ANO2: variants seen among roughly 807,000 people sequenced by gnomAD.
ANO2 encodes the protein anoctamin 2.
ANO2 carries 101 observed loss-of-function variants against 124.2 expected under a neutral mutation model. The ratio of observed to expected loss-of-function variants is 0.81; its 90% CI spans 0.69 to 0.96. ANO2 has a LOEUF of 0.96. Ranked by LOEUF, ANO2 falls within the 40% of genes least tolerant of loss-of-function variation. The pLI, the probability that ANO2 is intolerant of heterozygous loss-of-function variation, is 0.00. For synonymous variants in ANO2, 486 were observed against 482.5 expected (o/e 1.01, Z -0.09); for missense variants, 1,293 against 1,274.5 (o/e 1.01, Z -0.22).
intron 1 of ANO2, among the ~76,000 whole-genome samples, chr12:5,943,436 T>C (rs1337355129): frequency 6.6e-6 from 1 of 152,108 alleles, no homozygotes; most frequent in Non-Finnish European, 1.5e-5. Context: ...TATGTTCTCA[T>C]TCATAAGTGG....
In ANO2 at chr12:5,922,610, C is replaced by T; in HGVS notation, c.207+10G>A. The T allele has an allele frequency of 2.0e-6, 3 of 1,525,534 alleles. No individual in the cohort carries two copies. Among genetic ancestry groups the T allele is most frequent in the Non-Finnish European group, 2.6e-6 (3 of 1,136,268 alleles). 94.5% of individuals were successfully genotyped at this position (1,525,534 alleles called of 1,614,324 possible). A position where few individuals can be genotyped will look rare whatever the true frequency, so the allele number is the denominator to read the frequency against. ...CCTATCCCCCCACCCCACCCCCGCCCAGTACTCACAGAGCTGCTGCGGGTG... is the reference window on the plus strand; with the variant it reads ...CCTATCCCCCCACCCCACCCCCGCCTAGTACTCACAGAGCTGCTGCGGGTG... On this transcript the variant is annotated intron_variant, in intron 2 of 24. Transcript: ENST00000682330.
intron 3 of ANO2, among the ~76,000 whole-genome samples, chr12:5,910,691 C>T (rs1483200877): frequency 6.6e-6 from 1 of 152,050 alleles, no homozygotes; most frequent in East Asian, 1.9e-4. Flanking sequence ...TCATATGGCC[C>T]CAGGAGTCAT....
intron 3 of ANO2, among the ~76,000 whole-genome samples, chr12:5,878,466 T>C (rs1410772284): frequency 6.6e-6 from 1 of 152,222 alleles, no homozygotes; most frequent in African/African-American, 2.4e-5. Context: ...GCCTGGGTCA[T>C]AACAAGTATG....
rs1942057106 is a variant in ANO2 at position 5,925,871 on chromosome 12, A to G, written c.23-3067T>C. 1.3e-5 allele frequency among the ~76,000 whole-genome samples: 2 copies of G among 152,272 alleles called. No homozygotes were observed. The highest frequency in any genetic ancestry group is 3.9e-4 in the East Asian group (2 of 5,172). On this transcript the variant is annotated intron_variant, in intron 1 of 24. Transcript: ENST00000682330. The surrounding 1 kb of genome is among the most constrained non-coding windows in gnomAD (Gnocchi z 4.6). Reference sequence around the variant, plus strand: ...GGGCCTGGGCCTTTCTCCACGTTCCAGCTCTCTCCCTGGGCACTCTCATCC... The same window carrying G: ...GGGCCTGGGCCTTTCTCCACGTTCCGGCTCTCTCCCTGGGCACTCTCATCC...
At chr12:5,921,474 C>A (rs1283199819) in intron 2 of ANO2, 108 bp from the exon 3 acceptor site, 11 of 1,111,494 alleles carry the variant, frequency 9.9e-6, no homozygotes, top group Non-Finnish European at 1.4e-5. Flanking sequence ...CAGAAGCAAG[C>A]CTCTCAGGCC....
chr12:5,648,575 G>A (rs1420514450), intron 14 of ANO2, among the ~76,000 whole-genome samples: 2 of 152,198 alleles, frequency 1.3e-5, no homozygotes, highest in African/African-American at 4.8e-5. Flanking sequence ...TGGGGGACAG[G>A]GGAGGGGCTG....
intron 14 of ANO2, among the ~76,000 whole-genome samples, chr12:5,714,641 ATTCT>A (rs1021350521): frequency 6.6e-6 from 1 of 151,980 alleles, no homozygotes; most frequent in African/African-American, 2.4e-5. Context: ...TTCTCCTCCT[ATTCT>A]TTCTCTTTAT....
intron 14 of ANO2, among the ~76,000 whole-genome samples, chr12:5,651,008 G>C (rs1452358405): frequency 6.6e-6 from 1 of 152,192 alleles, no homozygotes; most frequent in Non-Finnish European, 1.5e-5. Flanking sequence ...CACCTAAGTG[G>C]CCCAGGTATT....
intron 14 of ANO2, among the ~76,000 whole-genome samples, chr12:5,661,020 G>T (rs571698170): frequency 2.0e-5 from 3 of 152,184 alleles, no homozygotes; most frequent in Admixed American, 6.5e-5. Context: ...AGTCAATTGC[G>T]TGGCCCACAG....
chr12:5,921,482 G>T, intron 2 of ANO2, 116 bp from the exon 3 acceptor site: 1 of 1,005,324 alleles, frequency 9.9e-7, no homozygotes, highest in Non-Finnish European at 1.4e-6. Context: ...AGCCTCTCAG[G>T]CCCAAAGGCC....
chr12:5,743,817 AC>A (rs1173530840), intron 12 of ANO2, among the ~76,000 whole-genome samples: 2 of 152,160 alleles, frequency 1.3e-5, no homozygotes, highest in African/African-American at 4.8e-5. Context: ...CACGATATCT[AC>A]AATCTTACCT....
At chr12:5,783,512 G>A (rs1438078544) in intron 10 of ANO2, among the ~76,000 whole-genome samples, 1 of 152,220 alleles carries the variant, frequency 6.6e-6, no homozygotes, top group Non-Finnish European at 1.5e-5. Flanking sequence ...CTCTTAGGAA[G>A]TATCATGGCA....
intron 1 of ANO2, among the ~76,000 whole-genome samples, chr12:5,935,323 A>G (rs993281035): frequency 1.3e-5 from 2 of 152,130 alleles, no homozygotes; most frequent in Admixed American, 6.5e-5. Context: ...ATCCACCACA[A>G]TGGTAACACC....
chr12:5,797,374 T>C (rs1952895624), intron 10 of ANO2, among the ~76,000 whole-genome samples: 1 of 152,136 alleles, frequency 6.6e-6, no homozygotes, highest in Non-Finnish European at 1.5e-5. Context: ...TACTGAGGTC[T>C]CGGGTTGTGT....
chr12:5,578,380 C>T lies in ANO2; in HGVS notation c.2372G>A (p.Arg791Lys). 1 of 1,613,772 alleles carries T rather than the reference C, an allele frequency of 6.2e-7. No homozygotes were observed. Among genetic ancestry groups the T allele is most frequent in the Non-Finnish European group, 8.5e-7 (1 of 1,179,786 alleles). ...VTELRRPDAVRTKDIGIWFDI... is the reference protein window; with the variant it reads ...VTELRRPDAVKTKDIGIWFDI... ...GGGGCACGTACCGATATCTTTGGTT[C>T]TTACAGCATCCGGCCGTCTCAGCTC... Residue 791 changes from arginine to lysine, a missense_variant, in exon 21 of 25, where the codon AGA becomes AAA. Arg to Lys is a conservative substitution (Grantham distance 26). Coordinates refer to ENST00000682330, the MANE Select transcript of ANO2 (RefSeq NM_001364791.2).
intron 14 of ANO2, among the ~76,000 whole-genome samples, chr12:5,694,902 G>A (rs1949106543): frequency 6.6e-6 from 1 of 152,030 alleles, no homozygotes. Context: ...CCTCTCTGTG[G>A]TCCAGTTTCC....
intron 14 of ANO2, among the ~76,000 whole-genome samples, chr12:5,719,892 C>T (rs1950159039): frequency 6.6e-6 from 1 of 152,160 alleles, no homozygotes; most frequent in African/African-American, 2.4e-5. Context: ...GCTGCCTTCC[C>T]TTGTCTCTCT....
chr12:5,659,618 G>T (rs1386905322), intron 14 of ANO2, among the ~76,000 whole-genome samples: 5 of 152,224 alleles, frequency 3.3e-5, no homozygotes, highest in Non-Finnish European at 7.3e-5. Flanking sequence ...GGCTAAAATG[G>T]AAAACATTTT....
At chr12:5,641,066 T>C (rs1395555573) in intron 15 of ANO2, among the ~76,000 whole-genome samples, 2 of 152,178 alleles carry the variant, frequency 1.3e-5, no homozygotes, top group African/African-American at 4.8e-5. Flanking sequence ...GAGTTCATGT[T>C]CTTTGCAGGG....
Sources: gnomAD v4.1 joint callset for allele counts (sites outside exome capture counted in the v4.1 genomes callset) on GRCh38, gnomAD v4.1.1 for gene constraint, Gnocchi (gnomAD v3.1) non-coding constraint, MANE v1.5 for transcripts, NCBI Gene and HGNC (gene_info 2026-07-23, HGNC 2026-07-21) for gene names.